The following ACAN variants were observed in gnomAD, a reference collection of about 807,000 sequenced individuals.
The protein encoded by ACAN is aggrecan, also known as aggrecan core protein.
Under a neutral mutation model 169.1 loss-of-function variants are expected in ACAN, and 47 were observed. That is an observed-to-expected ratio of 0.28 (90% CI 0.22 to 0.35). The LOEUF is 0.35. ACAN is among the 10% of genes least tolerant of loss of function. The pLI, the probability that ACAN is intolerant of heterozygous loss-of-function variation, is 1.00. For synonymous variants in ACAN, 1,115 were observed against 1,112.2 expected (o/e 1.00, Z -0.05); for missense variants, 2,716 against 2,759.9 (o/e 0.98, Z 0.36).
chr15:88,843,769 A>G lies in ACAN; in HGVS notation c.1051+121A>G. 7.9e-7 allele frequency: 1 copy of G among 1,271,448 alleles called. No homozygotes were observed. Among genetic ancestry groups the G allele is most frequent in the Non-Finnish European group, 1.1e-6 (1 of 941,948 alleles). The allele number at this position is 1,271,448 out of a possible 1,614,324, so 78.8% of individuals were successfully genotyped here. Reference sequence around the variant, plus strand: ...CCTTGAAGGGGCCACGGGGTACCTGAACCCCATGTTTTTAGGACACCCCTC... The same window carrying G: ...CCTTGAAGGGGCCACGGGGTACCTGGACCCCATGTTTTTAGGACACCCCTC... On this transcript the variant is annotated intron_variant, in intron 6 of 18. Transcript: ENST00000560601. The surrounding 1 kb of genome is among the most constrained non-coding windows in gnomAD (Gnocchi z 4.0).
intron 12 of ACAN, among the ~76,000 whole-genome samples, chr15:88,860,072 CTTTTTT>C (rs57985365): frequency 1.3e-3 from 137 of 102,896 alleles, no homozygotes; most frequent in African/African-American, 6.0e-3. Context: ...GCTGATTTTC[CTTTTTT>C]TTTTTTTTTT....
chr15:88,813,088 C>T (rs1388085077), intron 1 of ACAN, among the ~76,000 whole-genome samples: 1 of 152,332 alleles, frequency 6.6e-6, no homozygotes, highest in Admixed American at 6.5e-5. Flanking sequence ...GCAGCAAAAG[C>T]TGCATGGGAC....
intron 8 of ACAN, 58 bp from the exon 9 acceptor site, chr15:88,847,853 G>T: frequency 6.3e-7 from 1 of 1,588,232 alleles, no homozygotes; most frequent in Non-Finnish European, 8.6e-7. Flanking sequence ...GCCCAGGGCC[G>T]TGCATCTACC....
rs187449066 is a variant in ACAN at position 88,839,808 on chromosome 15, T to C, written c.455-204T>C. Among the ~76,000 whole-genome samples the C allele has an allele frequency of 2.6e-4, 39 of 152,342 alleles. 1 individual carries two copies. In the East Asian group the frequency reaches 7.5e-3, roughly 29 times the overall value. ...TAAGTCTTTAAAAAGGAATGCCTTA[T>C]AAAGTAGTGAGCTCCCCATTACAGG... On this transcript the variant is annotated intron_variant, in intron 3 of 18. Coordinates refer to ENST00000560601, the MANE Select transcript of ACAN (RefSeq NM_001369268.1). The surrounding 1 kb of genome is among the most constrained non-coding windows in gnomAD (Gnocchi z 4.5).
At chr15:88,837,058 C>T (rs1896522418) in intron 2 of ACAN, among the ~76,000 whole-genome samples, 1 of 152,218 alleles carries the variant, frequency 6.6e-6, no homozygotes, top group Non-Finnish European at 1.5e-5. Context: ...CCCAGAATTT[C>T]CCCTCCAAGT....
rs941715554 is a variant in ACAN at position 88,861,087 on chromosome 15, G to A, written c.6946+648G>A. On this transcript the variant is annotated intron_variant, in intron 13 of 18. Coordinates refer to ENST00000560601, the MANE Select transcript of ACAN (RefSeq NM_001369268.1). This position sits in a 1 kb window ranked among gnomAD's most constrained non-coding sequence, Gnocchi z 6.3. ...GACCCTCTGATCTGAGGTGGACCCC[G>A]GAAGGAGATGGTTAGAATCTACCTG... Among the ~76,000 whole-genome samples the A allele has an allele frequency of 1.3e-5, 2 of 152,144 alleles. No individual in the cohort carries two copies. Among genetic ancestry groups the A allele is most frequent in the Non-Finnish European group, 2.9e-5 (2 of 68,026 alleles).
chr15:88,822,826 A>G (rs747343920), intron 1 of ACAN, among the ~76,000 whole-genome samples: 1 of 152,188 alleles, frequency 6.6e-6, no homozygotes, highest in Non-Finnish European at 1.5e-5. Flanking sequence ...TGGACTACAG[A>G]TAACCCATCT....
chr15:88,815,656 TAAAAAAAAA>T (rs58267198), intron 1 of ACAN, among the ~76,000 whole-genome samples: 1 of 54,182 alleles, frequency 1.8e-5, no homozygotes, highest in Non-Finnish European at 3.1e-5. Flanking sequence ...CTGCACTGAT[TAAAAAAAAA>T]AAAAAAAAAA....
Position 88,858,243 on chromosome 15 carries a change from G to C in ACAN, c.5658G>C (p.Gly1886=). 6.2e-7 allele frequency: 1 copy of C among 1,613,966 alleles called. No homozygotes were observed. The highest frequency in any genetic ancestry group is 8.5e-7 in the Non-Finnish European group (1 of 1,179,900). The change falls in exon 12 of 19, where the codon GGG becomes GGC. Residue 1886 remains glycine, a synonymous_variant. Coordinates refer to ENST00000560601, the MANE Select transcript of ACAN (RefSeq NM_001369268.1). The surrounding 1 kb of genome is among the most constrained non-coding windows in gnomAD (Gnocchi z 4.0). ...TTTCTGGAACAGTCGATTCCAGTGG[G>C]TTTACATCCCAGACTCCGGAATTCA... ...GQFSGTVDSS[G]FTSQTPEFSG...
chr15:88,850,748 T>C (rs1896911741), intron 10 of ACAN: 1 of 152,134 alleles, frequency 6.6e-6, no homozygotes, highest in South Asian at 2.1e-4. Flanking sequence ...GAGATCAGCC[T>C]GGCCAACATG....
At chr15:88,860,836 G>A (rs950030209) in intron 13 of ACAN, among the ~76,000 whole-genome samples, 2 of 152,280 alleles carry the variant, frequency 1.3e-5, no homozygotes, top group East Asian at 3.9e-4. Context: ...CTTGTATCGT[G>A]CAGAGTGAAC....
rs1359691446 is a variant in ACAN, at chr15:88,871,754, C to G, written c.7219+214C>G. ...GCTGCAGCCAGGGCAGACCCATTGC[C>G]AGCCAGAGTCAGCCCAAGACTAAGC... On this transcript the variant is annotated intron_variant, in intron 15 of 18. Transcript: ENST00000560601. The surrounding 1 kb of genome is among the most constrained non-coding windows in gnomAD (Gnocchi z 7.8). Among the ~76,000 whole-genome samples the G allele has an allele frequency of 2.6e-5, 4 of 152,194 alleles. No individual in the cohort carries two copies. The highest frequency in any genetic ancestry group is 5.9e-5 in the Non-Finnish European group (4 of 68,032).
In ACAN at chr15:88,852,398, T is replaced by C. The variant is rs1896952832; in HGVS notation, c.2266+365T>C. ...ACCTCAACCCTCTCTTGTGGGAAGATCTCTAATAGAGGAGAAAGAATCAGG... is the reference window on the plus strand; with the variant it reads ...ACCTCAACCCTCTCTTGTGGGAAGACCTCTAATAGAGGAGAAAGAATCAGG... On this transcript the variant is annotated intron_variant, in intron 11 of 18. Transcript: ENST00000560601. Among the ~76,000 whole-genome samples, 4 of 152,228 alleles carry C rather than the reference T, an allele frequency of 2.6e-5. 1 individual carries two copies. In the South Asian group the frequency reaches 8.3e-4, roughly 32 times the overall value.
intron 1 of ACAN, among the ~76,000 whole-genome samples, chr15:88,831,671 G>A (rs1199251846): frequency 1.3e-5 from 2 of 152,238 alleles, no homozygotes; most frequent in African/African-American, 4.8e-5. Context: ...CTGAGTTCTG[G>A]TTTGGGCTCC....
chr15:88,844,615 C>G (rs146576224), intron 6 of ACAN, among the ~76,000 whole-genome samples: 3,749 of 152,232 alleles, frequency 0.025, 159 homozygotes, highest in African/African-American at 0.086. Flanking sequence ...TCAGGTGATC[C>G]ACCCACCTCA....
chr15:88,822,081 G>A (rs185954760), intron 1 of ACAN, among the ~76,000 whole-genome samples: 1 of 152,274 alleles, frequency 6.6e-6, no homozygotes, highest in African/African-American at 2.4e-5. Context: ...TGGTATTCAG[G>A]GGTTATACTG....
chr15:88,873,102 G>A lies in ACAN; in HGVS notation c.7447+77G>A. 6 of 1,523,574 alleles carry A rather than the reference G, an allele frequency of 3.9e-6. No individual in the cohort carries two copies. The South Asian group carries it at 7.6e-5, about 19-fold the overall frequency. The allele number at this position is 1,523,574 out of a possible 1,614,324, so 94.4% of individuals were successfully genotyped here. On this transcript the variant is annotated intron_variant, in intron 17 of 18. Transcript: ENST00000560601. This position sits in a 1 kb window ranked among gnomAD's most constrained non-coding sequence, Gnocchi z 7.5. ...CTACAGGTGAGGCTCTTGCTGTGTGGCCTGGGGTGAGTCCCTTGTCTTCTG... is the reference window on the plus strand; with the variant it reads ...CTACAGGTGAGGCTCTTGCTGTGTGACCTGGGGTGAGTCCCTTGTCTTCTG...
chr15:88,822,581 C>T (rs762851264), intron 1 of ACAN, among the ~76,000 whole-genome samples: 3 of 151,994 alleles, frequency 2.0e-5, no homozygotes, highest in African/African-American at 2.4e-5. Flanking sequence ...ATTCTCCTGC[C>T]TCAGCCACCA....
At chr15:88,833,013 C>T (rs1290780152) in intron 1 of ACAN, among the ~76,000 whole-genome samples, 1 of 152,190 alleles carries the variant, frequency 6.6e-6, no homozygotes, top group Non-Finnish European at 1.5e-5. Flanking sequence ...AAGCAGTAGG[C>T]GTCCACCCAC....
Sources: gnomAD v4.1 joint callset for allele counts (sites outside exome capture counted in the v4.1 genomes callset) on GRCh38, gnomAD v4.1.1 for gene constraint, Gnocchi (gnomAD v3.1) non-coding constraint, MANE v1.5 for transcripts, NCBI Gene and HGNC (gene_info 2026-07-23, HGNC 2026-07-21) for gene names.